PRDM2: variants seen among roughly 807,000 people sequenced by gnomAD.
PRDM2 encodes the protein PR/SET domain 2.
A neutral mutation model predicts 130.0 loss-of-function variants in PRDM2; 30 were observed. The observed-to-expected ratio is 0.23, with a 90% CI of 0.17 to 0.31. The LOEUF (loss-of-function observed/expected upper bound fraction) is 0.31, where lower values mean the gene tolerates loss of function less well. Among genes scored for constraint, PRDM2 ranks in the 10% least tolerant of loss-of-function variants. PRDM2 has a pLI of 1.00. For missense variants in PRDM2, 2,011 were observed against 2,108.4 expected (o/e 0.95, Z 0.90); for synonymous variants, 871 against 782.4 (o/e 1.11, Z -1.89).
Position 13,771,441 on chromosome 1 carries a change from A to C in PRDM2, c.512-1637A>C, listed in dbSNP as rs1164549098. 1.3e-5 allele frequency among the ~76,000 whole-genome samples: 2 copies of C among 152,212 alleles called. No homozygotes were observed. Among genetic ancestry groups the C allele is most frequent in the Non-Finnish European group, 2.9e-5 (2 of 68,044 alleles). On this transcript the variant is annotated intron_variant, in intron 6 of 9. Coordinates refer to ENST00000311066, the MANE Select transcript of PRDM2 (RefSeq NM_001393986.1). This position sits in a 1 kb window ranked among gnomAD's most constrained non-coding sequence, Gnocchi z 4.1. ...CGGATTTCCTATGGGCTGAAGAATT[A>C]GGTATGTAGGCCGGGCACGGTGGCT... is the stretch of plus-strand genomic sequence containing the variant.
intron 6 of PRDM2, among the ~76,000 whole-genome samples, chr1:13,756,277 AAAG>A (rs1432186027): frequency 2.0e-5 from 3 of 151,900 alleles, no homozygotes; most frequent in Non-Finnish European, 2.9e-5. Context: ...AAAAAAAAAA[AAAG>A]AATTGAGGGC....
chr1:13,781,369 G>T lies in PRDM2; in HGVS notation c.3574G>T (p.Val1192Leu). 3 of 1,614,122 alleles carry T rather than the reference G, an allele frequency of 1.9e-6. No individual in the cohort carries two copies. The highest frequency in any genetic ancestry group is 1.7e-6 in the Non-Finnish European group (2 of 1,180,020). Residue 1192 changes from valine to leucine, a missense_variant, in exon 8 of 10, where the codon GTG (valine) becomes TTG (leucine). Physicochemically the swap from Val to Leu is conservative, Grantham distance 32. This residue lies in a region of PRDM2 where 229 missense variants were observed against 364.1 expected (regional missense o/e 0.63). Transcript: ENST00000311066. This position sits in a 1 kb window ranked among gnomAD's most constrained non-coding sequence, Gnocchi z 6.1. ...FLLHGVGNIF[V>L]CSVCKKEFAF... The stretch of plus-strand genomic sequence containing the variant: ...GCTTCATGGAGTTGGGAATATCTTT[G>T]TGTGTTCTGTTTGTAAAAAAGAATT...
At chr1:13,820,724 C>T (rs995943327) in intron 9 of PRDM2, among the ~76,000 whole-genome samples, 4 of 152,054 alleles carry the variant, frequency 2.6e-5, no homozygotes, top group African/African-American at 9.7e-5. Flanking sequence ...GAGCTCCCCT[C>T]CACCTCAGGT....
Position 13,803,206 on chromosome 1 carries a change from G to A in PRDM2, c.5037-13221G>A, listed in dbSNP as rs144459811. On this transcript the variant is annotated intron_variant, in intron 8 of 9. Coordinates refer to ENST00000311066, the MANE Select transcript of PRDM2 (RefSeq NM_001393986.1). The surrounding 1 kb of genome is among the most constrained non-coding windows in gnomAD (Gnocchi z 6.2). ...CGGGACCTTGGCAATGAGAGAAACC[G>A]TATAGGAAGCCACGCTGGGAGGATT... Among the ~76,000 whole-genome samples, 15 of 152,336 alleles carry A rather than the reference G, an allele frequency of 9.8e-5. No homozygotes were observed. The East Asian group carries it at 2.1e-3, about 22-fold the overall frequency.
At chr1:13,718,344 T>C (rs1642611895) in intron 2 of PRDM2, among the ~76,000 whole-genome samples, 1 of 152,236 alleles carries the variant, frequency 6.6e-6, no homozygotes, top group Admixed American at 6.5e-5. Flanking sequence ...GATATATGCC[T>C]GACAGTTGAG....
Position 13,782,259 on chromosome 1 carries a change from A to C in PRDM2, c.4464A>C (p.Lys1488Asn). 1 of 1,613,780 alleles carries C rather than the reference A, an allele frequency of 6.2e-7. No homozygotes were observed. The highest frequency in any genetic ancestry group is 8.5e-7 in the Non-Finnish European group (1 of 1,179,976). The change falls in exon 8 of 10, where the codon AAA becomes AAC. Residue 1488 changes from lysine (K) to asparagine (N), a missense_variant. By Grantham distance (94) the Lys-to-Asn change is moderately conservative (BLOSUM62 0). Around this residue, in one of 5 missense-constraint regions of PRDM2, gnomAD observed 410 missense variants for 395.9 expected, o/e 1.04. Transcript: ENST00000311066. ...CPKKPLSPPK[K>N]KVSHSSKKGG... The stretch of plus-strand genomic sequence containing the variant: ...AAAAACCCCTTTCTCCTCCCAAAAA[A>C]AAAGTTTCTCATTCATCTAAGAAAG...
At position 13,721,943 on chromosome 1, in the gene PRDM2, T is replaced by C. The variant is rs1438129925; in HGVS notation, c.9+6329T>C. 2.0e-5 allele frequency among the ~76,000 whole-genome samples: 3 copies of C among 152,234 alleles called. No individual in the cohort carries two copies. In the East Asian group the frequency reaches 5.8e-4, roughly 29 times the overall value. On this transcript the variant is annotated intron_variant, in intron 2 of 9. Transcript: ENST00000311066. The stretch of plus-strand genomic sequence containing the variant: ...CAGTAATGGTGCCTACCCCGTGTGG[T>C]TGCAGTCAATAGTAAATGAGTTTAT...
At chr1:13,724,751 C>T (rs769693971) in intron 2 of PRDM2, among the ~76,000 whole-genome samples, 12 of 151,974 alleles carry the variant, frequency 7.9e-5, no homozygotes, top group Non-Finnish European at 1.8e-4. Flanking sequence ...TCTCAACCTC[C>T]CAAAGTTCAT....
chr1:13,759,878 T>C (rs1407352512), intron 6 of PRDM2, among the ~76,000 whole-genome samples: 1 of 152,156 alleles, frequency 6.6e-6, no homozygotes, highest in Non-Finnish European at 1.5e-5. Flanking sequence ...AAATATCATA[T>C]GTTGTCAGTG....
In PRDM2 at chr1:13,779,364, G is replaced by T; in HGVS notation, c.1569G>T (p.Glu523Asp). 6.2e-7 allele frequency: 1 copy of T among 1,614,136 alleles called. No individual in the cohort carries two copies. The highest frequency in any genetic ancestry group is 8.5e-7 in the Non-Finnish European group (1 of 1,180,020). Residue 523 changes from glutamate to aspartate, a missense_variant, in exon 8 of 10, where the codon GAG becomes GAT. Coordinates refer to ENST00000311066, the MANE Select transcript of PRDM2 (RefSeq NM_001393986.1). This position sits in a 1 kb window ranked among gnomAD's most constrained non-coding sequence, Gnocchi z 4.9. ...TACGGCGAAAAGGAGGCCTTGAAGA[G>T]CCCCAGCCTCCAGCAGAACAGGCCC... ...KGVRRKGGLE[E>D]PQPPAEQAQA...
chr1:13,712,886 T>G (rs1455338681), intron 1 of PRDM2, among the ~76,000 whole-genome samples: 2 of 152,234 alleles, frequency 1.3e-5, no homozygotes, highest in Non-Finnish European at 2.9e-5. Context: ...TTGGTTAGAC[T>G]GGGCATCAGC....
intron 6 of PRDM2, among the ~76,000 whole-genome samples, chr1:13,758,721 T>C (rs1223017215): frequency 6.6e-6 from 1 of 152,224 alleles, no homozygotes; most frequent in East Asian, 1.9e-4. Context: ...TTGTAGCTGC[T>C]TGCTATTCCT....
At chr1:13,716,003 T>C (rs567939802) in intron 2 of PRDM2, among the ~76,000 whole-genome samples, 1 of 152,220 alleles carries the variant, frequency 6.6e-6, no homozygotes, top group Non-Finnish European at 1.5e-5. Context: ...TGCACACGTA[T>C]GTTTATTGCG....
chr1:13,784,133 A>G (rs1193040006), intron 8 of PRDM2, among the ~76,000 whole-genome samples: 1 of 152,244 alleles, frequency 6.6e-6, no homozygotes, highest in Non-Finnish European at 1.5e-5. Flanking sequence ...TTTAGTTGCC[A>G]TAGGTCTGAC....
chr1:13,712,518 C>A (rs1010726588), intron 1 of PRDM2, among the ~76,000 whole-genome samples: 4 of 152,252 alleles, frequency 2.6e-5, no homozygotes, highest in Non-Finnish European at 4.4e-5. Flanking sequence ...TCTTTCATGC[C>A]TAAGATCTAA....
chr1:13,797,876 A>T (rs534409757), intron 8 of PRDM2, among the ~76,000 whole-genome samples: 1 of 152,294 alleles, frequency 6.6e-6, no homozygotes, highest in East Asian at 1.9e-4. Context: ...TTTTAATGAC[A>T]TGGTATCACT....
intron 8 of PRDM2, among the ~76,000 whole-genome samples, chr1:13,813,735 C>T (rs1183056459): frequency 2.0e-5 from 3 of 152,170 alleles, no homozygotes; most frequent in African/African-American, 7.2e-5. Context: ...GGGCCTCTGC[C>T]TTCAGGGGTT....
rs70984285 is a variant in PRDM2, at chr1:13,818,379, CT to C, written c.*23+1827del. ...CCCCAAGACCTCACTTCTCTCTTTC[CT>C]TTTTTTTTTTTTTTTTTGAGACAGA... On this transcript the variant is annotated intron_variant, in intron 9 of 9. Coordinates refer to ENST00000311066, the MANE Select transcript of PRDM2 (RefSeq NM_001393986.1). Among the ~76,000 whole-genome samples, 494 of 128,030 alleles carry C rather than the reference CT, an allele frequency of 3.9e-3. 2 individuals carry two copies. Among genetic ancestry groups the C allele is most frequent in the African/African-American group, 0.012 (408 of 34,070 alleles). The allele number at this position is 128,030 out of a possible 152,430, so 84.0% of individuals were successfully genotyped here. A position where few individuals can be genotyped will look rare whatever the true frequency, so the allele number is the denominator to read the frequency against.
intron 4 of PRDM2, among the ~76,000 whole-genome samples, chr1:13,736,959 T>G (rs889516841): frequency 6.6e-6 from 1 of 152,226 alleles, no homozygotes; most frequent in Non-Finnish European, 1.5e-5. Context: ...GAGAAGACTT[T>G]AATGTAATTT....
Sources: allele counts gnomAD v4.1 joint callset (sites outside exome capture counted in the v4.1 genomes callset), GRCh38; gene constraint gnomAD v4.1.1; regional missense constraint gnomAD v4.1.1; non-coding constraint Gnocchi (gnomAD v3.1); transcripts MANE v1.5; gene names NCBI Gene and HGNC (gene_info 2026-07-23, HGNC 2026-07-21).